The following PDE3B variants were observed in gnomAD, a reference collection of about 807,000 sequenced individuals.
PDE3B encodes the protein phosphodiesterase 3B.
A neutral mutation model predicts 116.8 loss-of-function variants in PDE3B; 66 were observed. The ratio of observed to expected loss-of-function variants is 0.56; its 90% CI spans 0.46 to 0.69. The LOEUF is 0.69. Ranked by LOEUF, PDE3B falls within the 30% of genes least tolerant of loss-of-function variation. The pLI is 0.00. For missense variants in PDE3B, 1,384 were observed against 1,368.1 expected (o/e 1.01, Z -0.18); for synonymous variants, 595 against 533.6 (o/e 1.12, Z -1.59).
intron 5 of PDE3B, among the ~76,000 whole-genome samples, chr11:14,811,980 T>C (rs200858322): frequency 6.6e-6 from 1 of 152,054 alleles, no homozygotes. Context: ...GTGATTTTTG[T>C]ACATTGATTT....
chr11:14,669,935 T>C (rs1407889327), intron 1 of PDE3B, among the ~76,000 whole-genome samples: 1 of 152,180 alleles, frequency 6.6e-6, no homozygotes, highest in African/African-American at 2.4e-5. Context: ...TGTAGACAAA[T>C]GTTAATCTTT....
chr11:14,672,379 A>G (rs558186235), intron 1 of PDE3B, among the ~76,000 whole-genome samples: 1 of 152,100 alleles, frequency 6.6e-6, no homozygotes, highest in Non-Finnish European at 1.5e-5. Flanking sequence ...ATACTTTCCC[A>G]TACTTTACAC....
At chr11:14,772,986 AG>A in intron 2 of PDE3B, 1 of 152,146 alleles carries the variant, frequency 6.6e-6, no homozygotes, top group East Asian at 1.9e-4. Flanking sequence ...TGTACTTTCT[AG>A]GACCTTCAAC....
intron 1 of PDE3B, among the ~76,000 whole-genome samples, chr11:14,661,218 A>G (rs1162943786): frequency 6.6e-6 from 1 of 152,252 alleles, no homozygotes; most frequent in African/African-American, 2.4e-5. Context: ...ACACATGCAC[A>G]CATATGTTTA....
At chr11:14,868,018 T>C (rs1459602638) in intron 15 of PDE3B, among the ~76,000 whole-genome samples, 5 of 152,192 alleles carry the variant, frequency 3.3e-5, no homozygotes, top group Non-Finnish European at 5.9e-5. Flanking sequence ...TAACTGCATA[T>C]ATCCATTTAA....
intron 1 of PDE3B, among the ~76,000 whole-genome samples, chr11:14,689,672 A>G (rs1470884584): frequency 3.3e-5 from 5 of 152,176 alleles, no homozygotes; most frequent in African/African-American, 1.2e-4. Flanking sequence ...GGAAGTACCT[A>G]TGTTTGGTGA....
intron 12 of PDE3B, among the ~76,000 whole-genome samples, chr11:14,857,319 T>C (rs184175253): frequency 6.6e-6 from 1 of 152,320 alleles, no homozygotes; most frequent in East Asian, 1.9e-4. Context: ...GGCTTCATTA[T>C]CTGTTTGCTT....
chr11:14,824,681 G>A (rs898921145), intron 7 of PDE3B, among the ~76,000 whole-genome samples: 2 of 152,186 alleles, frequency 1.3e-5, no homozygotes, highest in African/African-American at 4.8e-5. Flanking sequence ...TCCCTGACAG[G>A]AGAAAGCAAA....
chr11:14,695,800 A>G (rs1855190141), intron 1 of PDE3B, among the ~76,000 whole-genome samples: 2 of 152,086 alleles, frequency 1.3e-5, no homozygotes, highest in South Asian at 4.1e-4. Context: ...AGTTTGCTAG[A>G]ATAATGGCTT....
intron 12 of PDE3B, among the ~76,000 whole-genome samples, chr11:14,851,542 G>C (rs1191075481): frequency 6.6e-6 from 1 of 150,724 alleles, no homozygotes; most frequent in African/African-American, 2.5e-5. Flanking sequence ...GTGTTAATGG[G>C]TTAAAAGGGC....
intron 5 of PDE3B, among the ~76,000 whole-genome samples, chr11:14,813,428 A>T (rs1327746603): frequency 6.6e-6 from 1 of 152,112 alleles, no homozygotes; most frequent in East Asian, 1.9e-4. Context: ...CAGCAATGTC[A>T]GTCTGAATCC....
chr11:14,780,852 C>T (rs1857971213), intron 2 of PDE3B, among the ~76,000 whole-genome samples: 1 of 152,094 alleles, frequency 6.6e-6, no homozygotes, highest in African/African-American at 2.4e-5. Flanking sequence ...ACAAAAAACC[C>T]TTCAAAAAAT....
At chr11:14,723,119 C>G (rs999505411) in intron 1 of PDE3B, among the ~76,000 whole-genome samples, 1 of 152,206 alleles carries the variant, frequency 6.6e-6, no homozygotes, top group Non-Finnish European at 1.5e-5. Flanking sequence ...GTTTCAGAAA[C>G]TATCCTAAGC....
intron 2 of PDE3B, among the ~76,000 whole-genome samples, chr11:14,784,415 CTAG>C (rs1345107512): frequency 1.3e-5 from 2 of 152,160 alleles, no homozygotes; most frequent in African/African-American, 4.8e-5. Flanking sequence ...AGAGACCTAA[CTAG>C]TAGTAAGGTT....
intron 1 of PDE3B, among the ~76,000 whole-genome samples, chr11:14,725,247 CT>C (rs1856249764): frequency 6.6e-6 from 1 of 151,708 alleles, no homozygotes; most frequent in Admixed American, 6.6e-5. Flanking sequence ...CAGCTTTTTT[CT>C]TTCTTTCGTT....
chr11:14,785,329 G>T (rs1446020254), intron 2 of PDE3B, among the ~76,000 whole-genome samples: 1 of 151,944 alleles, frequency 6.6e-6, no homozygotes, highest in African/African-American at 2.4e-5. Flanking sequence ...CTATGCCCTG[G>T]TATCAGGAAA....
chr11:14,852,719 CA>C, intron 12 of PDE3B, among the ~76,000 whole-genome samples: 1 of 152,284 alleles, frequency 6.6e-6, no homozygotes, highest in South Asian at 2.1e-4. Context: ...CTGTTCTCAA[CA>C]TGTCAGCCAG....
rs186372958 is a variant in PDE3B at position 14,741,949 on chromosome 11, C to T, written c.979-29988C>T. Among the ~76,000 whole-genome samples, 965 of 152,116 alleles carry T rather than the reference C, an allele frequency of 6.3e-3. 18 individuals are homozygous for T. Among genetic ancestry groups the T allele is most frequent in the African/African-American group, 0.022 (907 of 41,426 alleles). On this transcript the variant is annotated intron_variant, in intron 1 of 15. Transcript: ENST00000282096. ...TTCTTCTGGCTTGTAGAGTTTCTGC[C>T]GAGAGATCCGCTGTTAGTCTGATGG... is the stretch of plus-strand genomic sequence containing the variant.
intron 1 of PDE3B, among the ~76,000 whole-genome samples, chr11:14,672,986 G>A (rs1854419683): frequency 6.8e-6 from 1 of 148,136 alleles, no homozygotes; most frequent in Non-Finnish European, 1.5e-5. Flanking sequence ...CTAAAAGATA[G>A]ACTTTTCCAG....
Sources: gnomAD v4.1 joint callset for allele counts (sites outside exome capture counted in the v4.1 genomes callset) on GRCh38, gnomAD v4.1.1 for gene constraint, MANE v1.5 for transcripts, NCBI Gene and HGNC (gene_info 2026-07-23, HGNC 2026-07-21) for gene names.